The following GOLGA4 variants were observed in gnomAD, a reference collection of about 807,000 sequenced individuals.
GOLGA4 encodes the protein golgin subfamily A member 4.
In GOLGA4, 169 loss-of-function variants were observed where a neutral mutation model predicts 265.9. The ratio of observed to expected loss-of-function variants is 0.64; its 90% CI spans 0.56 to 0.72. The LOEUF (loss-of-function observed/expected upper bound fraction) is 0.72. GOLGA4 is among the 30% of genes least tolerant of loss of function. The pLI is 0.00. For synonymous variants in GOLGA4, 923 were observed against 855.8 expected, an observed-to-expected ratio of 1.08 and a Z score of -1.37; for missense variants, 2,482 against 2,483.4, an observed-to-expected ratio of 1.00 and a Z score of 0.01.
rs991061761 is a variant in GOLGA4, at chr3:37,296,302, T to A, written c.814+83T>A. ...GGCTTACACCTTTAATCCCAACACTTTGGGAGGCCAGTGTGGGAGGATCGC... is the reference window on the plus strand; with the variant it reads ...GGCTTACACCTTTAATCCCAACACTATGGGAGGCCAGTGTGGGAGGATCGC... On this transcript the variant is annotated intron_variant, in intron 7 of 23. Coordinates refer to ENST00000361924, the MANE Select transcript of GOLGA4 (RefSeq NM_002078.5). 8 of 1,372,806 alleles carry A rather than the reference T, an allele frequency of 5.8e-6. No homozygotes were observed. The South Asian group carries it at 6.2e-5, about 11-fold the overall frequency. 85.0% of individuals were successfully genotyped at this position (1,372,806 alleles called of 1,614,324 possible).
At chr3:37,343,705 C>T (rs1275563314) in intron 20 of GOLGA4, among the ~76,000 whole-genome samples, 1 of 152,216 alleles carries the variant, frequency 6.6e-6, no homozygotes, top group Non-Finnish European at 1.5e-5. Context: ...TTCTGTCTCC[C>T]TGGAGTCCTC....
intron 23 of GOLGA4, among the ~76,000 whole-genome samples, chr3:37,364,302 G>A (rs746033039): frequency 1.1e-4 from 17 of 151,876 alleles, no homozygotes; most frequent in South Asian, 2.1e-4. Context: ...GTGCAGTGGC[G>A]CAATCTCGGC....
In GOLGA4 at chr3:37,243,310, G is replaced by T; in HGVS notation, c.-241G>T. ...CGTTGTCGTCGCCGCCGCGGCTCCC[G>T]GGGCTGGATGGGGGGCCGAGGCCAG... On this transcript the variant is annotated 5_prime_UTR_variant, in exon 1 of 24. Transcript: ENST00000361924. The T allele has an allele frequency of 1.8e-6, 1 of 551,556 alleles. No individual in the cohort carries two copies. The highest frequency in any genetic ancestry group is 3.2e-5 in the East Asian group (1 of 30,936). 34.2% of individuals were successfully genotyped at this position (551,556 alleles called of 1,614,324 possible). A position where few individuals can be genotyped will look rare whatever the true frequency, so the allele number is the denominator to read the frequency against.
chr3:37,298,754 G>T, intron 7 of GOLGA4, 79 bp from the exon 8 acceptor site: 2,880 of 741,002 alleles, frequency 3.9e-3, no homozygotes, highest in East Asian at 4.1e-3. Flanking sequence ...AGATCTCTTT[G>T]ACTGTCTCAG....
In GOLGA4 at chr3:37,329,001, C is replaced by G; in HGVS notation, c.6100C>G (p.His2034Asp). 1 of 1,608,514 alleles carries G rather than the reference C, an allele frequency of 6.2e-7. No individual in the cohort carries two copies. Among genetic ancestry groups the G allele is most frequent in the South Asian group, 1.1e-5 (1 of 90,106 alleles). ...GGTGGAGGCTGAACTTTTAGAAAGCCATCAAGAAGAGACAAATCAGTTACT... is the reference window on the plus strand; with the variant it reads ...GGTGGAGGCTGAACTTTTAGAAAGCGATCAAGAAGAGACAAATCAGTTACT... ...QEVEAELLES[H>D]QEETNQLLKK... Residue 2034 changes from histidine to aspartate, a missense_variant, in exon 16 of 24, where the codon CAT becomes GAT. By Grantham distance (81) the His-to-Asp change is moderately conservative. Transcript: ENST00000361924.
At chr3:37,294,853 C>T (rs2096873983) in intron 5 of GOLGA4, 126 bp from the exon 6 acceptor site, 2 of 580,906 alleles carry the variant, frequency 3.4e-6, no homozygotes, top group Admixed American at 3.1e-5. Context: ...ACTAATTATT[C>T]TCTAATTATT....
intron 12 of GOLGA4, chr3:37,320,167 T>C (rs1030500499): frequency 2.0e-5 from 3 of 152,170 alleles, no homozygotes; most frequent in African/African-American, 7.2e-5. Context: ...ATTGAGATTT[T>C]TGTTGAAAGA....
At chr3:37,308,554 A>G (rs2096913649) in intron 10 of GOLGA4, among the ~76,000 whole-genome samples, 1 of 151,472 alleles carries the variant, frequency 6.6e-6, no homozygotes, top group African/African-American at 2.4e-5. Flanking sequence ...GTGATTCCAA[A>G]GAGCTTTATT....
At chr3:37,283,768 C>T (rs1340396982) in intron 3 of GOLGA4, among the ~76,000 whole-genome samples, 1 of 152,104 alleles carries the variant, frequency 6.6e-6, no homozygotes, top group Non-Finnish European at 1.5e-5. Context: ...GTCAAGTGAT[C>T]CTCCCACCTC....
intron 10 of GOLGA4, among the ~76,000 whole-genome samples, chr3:37,303,502 A>G (rs1327397193): frequency 4.6e-5 from 7 of 152,246 alleles, no homozygotes; most frequent in Admixed American, 4.6e-4. Flanking sequence ...GAATTAGAAT[A>G]GGAAATCTAA....
Position 37,327,114 on chromosome 3 carries a change from G to C in GOLGA4, c.5228G>C (p.Arg1743Thr). Residue 1743 changes from arginine to threonine, a missense_variant, in exon 14 of 24, where the codon AGA becomes ACA. By Grantham distance (71) the Arg-to-Thr change is moderately conservative (BLOSUM62 -1). This residue lies in a region of GOLGA4 where 942 missense variants were observed against 983.1 expected (regional missense o/e 0.96). Transcript: ENST00000361924. ...TYEEKISVLQ[R>T]NLTEKEKLLQ... ...GAAGAAAAAATCAGTGTTTTACAAA[G>C]AAACTTAACTGAAAAAGAAAAGCTA... 3 of 1,613,476 alleles carry C rather than the reference G, an allele frequency of 1.9e-6. No homozygotes were observed. Among genetic ancestry groups the C allele is most frequent in the Non-Finnish European group, 2.5e-6 (3 of 1,179,748 alleles).
At chr3:37,279,222 C>T (rs1466245005) in intron 2 of GOLGA4, among the ~76,000 whole-genome samples, 2 of 152,218 alleles carry the variant, frequency 1.3e-5, no homozygotes, top group South Asian at 2.1e-4. Context: ...GATTGAACAT[C>T]CCTAATCCAG....
intron 10 of GOLGA4, among the ~76,000 whole-genome samples, chr3:37,305,161 C>T (rs938193760): frequency 2.6e-5 from 4 of 152,084 alleles, no homozygotes; most frequent in Non-Finnish European, 5.9e-5. Flanking sequence ...TCAGGTAATC[C>T]ACCCTCCTTG....
Position 37,337,167 on chromosome 3 carries a change from A to G in GOLGA4, c.6327+4A>G. 7.1e-7 allele frequency: 1 copy of G among 1,418,346 alleles called. No homozygotes were observed. The highest frequency in any genetic ancestry group is 9.8e-7 in the Non-Finnish European group (1 of 1,024,452). The allele number at this position is 1,418,346 out of a possible 1,614,324, so 87.9% of individuals were successfully genotyped here. ...GGTAACAATTATGGAGCTACAGGTA[A>G]GGCTAGTTCTTCTTTTTTTTTTTTT... On this transcript the variant is annotated splice_donor_region_variant and intron_variant, in intron 18 of 23. Transcript: ENST00000361924.
rs550905161 is a variant in GOLGA4 at position 37,329,976 on chromosome 3, A to T, written c.6192+883A>T. ...GGAACAGATTCTAATAATTATTTTA[A>T]ATGTAATTGAAATGGCTAGAATTCC... On this transcript the variant is annotated intron_variant, in intron 16 of 23. Transcript: ENST00000361924. Among the ~76,000 whole-genome samples, 6 of 152,212 alleles carry T rather than the reference A, an allele frequency of 3.9e-5. No homozygotes were observed. In the East Asian group the frequency reaches 1.2e-3, roughly 29 times the overall value.
At chr3:37,344,492 CTTTTTTTTTTTT>C (rs56761489) in intron 20 of GOLGA4, among the ~76,000 whole-genome samples, 1 of 118,204 alleles carries the variant, frequency 8.5e-6, no homozygotes, top group Non-Finnish European at 1.7e-5. Context: ...ACCTCACTGT[CTTTTTTTTTTTT>C]TTTTTTTTGG....
chr3:37,357,634 T>G (rs184539586), intron 22 of GOLGA4, among the ~76,000 whole-genome samples: 1 of 152,302 alleles, frequency 6.6e-6, no homozygotes, highest in Admixed American at 6.5e-5. Context: ...TCATGATTGT[T>G]TCACGAGTAT....
intron 2 of GOLGA4, among the ~76,000 whole-genome samples, chr3:37,278,722 G>T (rs1408934960): frequency 6.6e-6 from 1 of 151,818 alleles, no homozygotes; most frequent in African/African-American, 2.4e-5. Context: ...GGTATTTATT[G>T]TGTACTGTGT....
chr3:37,306,001 T>A (rs1400472014), intron 10 of GOLGA4, among the ~76,000 whole-genome samples: 1 of 152,244 alleles, frequency 6.6e-6, no homozygotes, highest in East Asian at 1.9e-4. Flanking sequence ...GAAATCTGAA[T>A]GTCTTTGATT....
Sources: allele counts gnomAD v4.1 joint callset (sites outside exome capture counted in the v4.1 genomes callset), GRCh38; gene constraint gnomAD v4.1.1; regional missense constraint gnomAD v4.1.1; transcripts MANE v1.5; gene names NCBI Gene and HGNC (gene_info 2026-07-23, HGNC 2026-07-21).